Variants in NECAB2 observed in about 807,000 individuals in gnomAD.
NECAB2 encodes N-terminal EF-hand calcium-binding protein 2.
A neutral mutation model predicts 51.9 loss-of-function variants in NECAB2; 68 were observed. The ratio of observed to expected loss-of-function variants is 1.31; its 90% CI spans 1.08 to 1.60. The LOEUF is 1.60. NECAB2 is among the 40% of genes most tolerant of loss of function. The pLI is 0.00. For missense variants in NECAB2, 854 were observed against 490.3 expected (o/e 1.74, Z -7.00); for synonymous variants, 329 against 203.5 (o/e 1.62, Z -5.25).
chr16:83,992,994 C>T (rs41453147), intron 6 of NECAB2, among the ~76,000 whole-genome samples: 21,083 of 152,230 alleles, frequency 0.14, 2,625 homozygotes, highest in African/African-American at 0.34. Context: ...CTCCATCACG[C>T]GTCAGCAGTT....
chr16:83,996,622 A>G (rs1035821915), intron 8 of NECAB2, among the ~76,000 whole-genome samples: 1 of 152,102 alleles, frequency 6.6e-6, no homozygotes, highest in Admixed American at 6.5e-5. Flanking sequence ...GTTCAGACCC[A>G]CGCTCTGACA....
Position 83,978,570 on chromosome 16 carries a change from C to G in NECAB2, c.335+18C>G, listed in dbSNP as rs377657212. 12 of 1,594,988 alleles carry G rather than the reference C, an allele frequency of 7.5e-6. No homozygotes were observed. The highest frequency in any genetic ancestry group is 1.3e-5 in the African/African-American group (1 of 74,084). ...AACACCAAGTGAGCTTCAGTCCTGG[C>G]TGGCAGAGTGGGGGTGTGTGTGGGC... On this transcript the variant is annotated intron_variant, in intron 3 of 12. Transcript: ENST00000305202.
chr16:83,994,728 C>A (rs750941669), intron 8 of NECAB2, 40 bp downstream of exon 8: 2 of 1,598,528 alleles, frequency 1.3e-6, no homozygotes, highest in South Asian at 1.1e-5. Flanking sequence ...TCCTTCCAAC[C>A]CCTGAGGGAG....
chr16:83,992,560 C>G (rs774767529), intron 6 of NECAB2, among the ~76,000 whole-genome samples: 1 of 152,180 alleles, frequency 6.6e-6, no homozygotes, highest in Admixed American at 6.5e-5. Context: ...AGAGAGGTAC[C>G]TCAGGACCAG....
chr16:84,002,567 A>G lies in NECAB2; in HGVS notation c.*221A>G. ...CAGGTCCTGGTGAAGCCCAAGGTTGAAGGGGGCGGCTTCCTGGAGCCAGCA... is the reference window on the plus strand; with the variant it reads ...CAGGTCCTGGTGAAGCCCAAGGTTGGAGGGGGCGGCTTCCTGGAGCCAGCA... On this transcript the variant is annotated 3_prime_UTR_variant, in exon 13 of 13. Coordinates refer to ENST00000305202, the MANE Select transcript of NECAB2 (RefSeq NM_019065.3). 1.6e-6 allele frequency: 1 copy of G among 621,676 alleles called. No homozygotes were observed. 38.5% of individuals were successfully genotyped at this position (621,676 alleles called of 1,614,324 possible).
At chr16:84,001,675 C>G (rs1176643797) in intron 11 of NECAB2, 150 bp from the exon 12 acceptor site, 2 of 632,040 alleles carry the variant, frequency 3.2e-6, no homozygotes, top group African/African-American at 1.3e-4. Context: ...CTGGGCACCC[C>G]CTCACCTTCC....
intron 11 of NECAB2, among the ~76,000 whole-genome samples, chr16:84,001,030 C>G (rs1318039318): frequency 6.6e-6 from 1 of 152,116 alleles, no homozygotes; most frequent in Non-Finnish European, 1.5e-5. Flanking sequence ...CTGCTTTCCC[C>G]AGGGTTGCTT....
intron 2 of NECAB2, 81 bp downstream of exon 2, chr16:83,972,256 C>G (rs2084358038): frequency 2.5e-6 from 4 of 1,594,978 alleles, no homozygotes; most frequent in Admixed American, 3.3e-5. Flanking sequence ...GGATAGGAGA[C>G]AAGCGCAACC....
intron 6 of NECAB2, among the ~76,000 whole-genome samples, chr16:83,992,019 C>G (rs1597216787): frequency 6.6e-6 from 1 of 152,164 alleles, no homozygotes; most frequent in South Asian, 2.1e-4. Flanking sequence ...CTCTCGGCAT[C>G]ACATGCCGTA....
chr16:83,983,675 C>A (rs570464760), intron 5 of NECAB2, among the ~76,000 whole-genome samples: 1 of 152,198 alleles, frequency 6.6e-6, no homozygotes, highest in Admixed American at 6.5e-5. Flanking sequence ...CTGTGATAAA[C>A]CCTAATTGGT....
At chr16:83,984,668 C>T (rs1002199108) in intron 5 of NECAB2, among the ~76,000 whole-genome samples, 2 of 152,062 alleles carry the variant, frequency 1.3e-5, no homozygotes, top group Non-Finnish European at 2.9e-5. Flanking sequence ...GAAGTCGAGG[C>T]TGCAGTGAGG....
intron 5 of NECAB2, among the ~76,000 whole-genome samples, chr16:83,983,069 A>G (rs891718820): frequency 6.6e-6 from 1 of 151,916 alleles, no homozygotes; most frequent in African/African-American, 2.4e-5. Context: ...GGGTTTCACC[A>G]TGTTGGCCAG....
At chr16:83,993,090 G>A (rs1168285455) in intron 6 of NECAB2, among the ~76,000 whole-genome samples, 1 of 152,100 alleles carries the variant, frequency 6.6e-6, no homozygotes, top group African/African-American at 2.4e-5. Context: ...TTCCACACAT[G>A]CCCCTCCCTC....
intron 2 of NECAB2, among the ~76,000 whole-genome samples, chr16:83,978,212 C>G (rs554424095): frequency 5.9e-5 from 9 of 152,268 alleles, no homozygotes; most frequent in African/African-American, 2.2e-4. Flanking sequence ...AGGCATGATT[C>G]TCTGTGTACT....
chr16:83,977,608 T>C (rs1235901919), intron 2 of NECAB2, among the ~76,000 whole-genome samples: 1 of 152,026 alleles, frequency 6.6e-6, no homozygotes, highest in Non-Finnish European at 1.5e-5. Context: ...TGGAGGCCCC[T>C]CTGTGGAGCT....
intron 5 of NECAB2, among the ~76,000 whole-genome samples, chr16:83,983,279 C>A (rs1052838654): frequency 6.6e-6 from 1 of 152,200 alleles, no homozygotes; most frequent in African/African-American, 2.4e-5. Context: ...GCCGCAGCAT[C>A]AGTTATTAAG....
chr16:83,986,324 T>G (rs1049328468), intron 5 of NECAB2, among the ~76,000 whole-genome samples: 1 of 152,092 alleles, frequency 6.6e-6, no homozygotes, highest in Non-Finnish European at 1.5e-5. Context: ...GCCCAAAGAT[T>G]TTCTCTAACT....
intron 5 of NECAB2, among the ~76,000 whole-genome samples, chr16:83,983,077 C>A (rs996586809): frequency 6.6e-6 from 1 of 152,064 alleles, no homozygotes; most frequent in Admixed American, 6.6e-5. Context: ...CCATGTTGGC[C>A]AGGCTGGTCT....
chr16:83,974,421 C>T (rs1045640360), intron 2 of NECAB2, among the ~76,000 whole-genome samples: 5 of 152,178 alleles, frequency 3.3e-5, no homozygotes, highest in Non-Finnish European at 5.9e-5. Context: ...GCTGCTCTGC[C>T]TCAAATGCCT....
Sources: allele counts gnomAD v4.1 joint callset (sites outside exome capture counted in the v4.1 genomes callset), GRCh38; gene constraint gnomAD v4.1.1; transcripts MANE v1.5; gene names NCBI Gene and HGNC (gene_info 2026-07-23, HGNC 2026-07-21).